Variants in LSAMP observed in about 807,000 individuals in gnomAD.
LSAMP encodes the protein limbic system-associated membrane protein.
A neutral mutation model predicts 38.6 loss-of-function variants in LSAMP; 7 were observed. The observed-to-expected ratio is 0.18, with a 90% CI of 0.10 to 0.34. The LOEUF is 0.34. LSAMP is among the 10% of genes least tolerant of loss of function. The pLI is 1.00. For missense variants in LSAMP, 313 were observed against 420.0 expected, an observed-to-expected ratio of 0.75 and a Z score of 2.23; for synonymous variants, 154 against 166.8, an observed-to-expected ratio of 0.92 and a Z score of 0.59.
intron 3 of LSAMP, among the ~76,000 whole-genome samples, chr3:115,967,702 G>A (rs1482123713): frequency 6.6e-6 from 1 of 152,174 alleles, no homozygotes; most frequent in African/African-American, 2.4e-5. Context: ...GGAGGAGCAA[G>A]TCACATTTTA....
At chr3:115,896,638 C>T (rs1936735664) in intron 3 of LSAMP, among the ~76,000 whole-genome samples, 1 of 151,970 alleles carries the variant, frequency 6.6e-6, no homozygotes, top group Admixed American at 6.6e-5. Flanking sequence ...CTGTGCCTTG[C>T]TTTTCTCATT....
At chr3:116,126,482 T>C (rs1247020643) in intron 1 of LSAMP, among the ~76,000 whole-genome samples, 1 of 152,248 alleles carries the variant, frequency 6.6e-6, no homozygotes, top group Non-Finnish European at 1.5e-5. Context: ...TTTTTGTTTT[T>C]TGAGCACCTA....
At chr3:116,190,282 GA>G (rs1710725569) in intron 1 of LSAMP, among the ~76,000 whole-genome samples, 1 of 152,094 alleles carries the variant, frequency 6.6e-6, no homozygotes, top group Non-Finnish European at 1.5e-5. Context: ...TGCAGTGAGT[GA>G]TAGATTTACC....
chr3:116,076,112 T>C (rs1157881714), intron 2 of LSAMP, among the ~76,000 whole-genome samples: 2 of 152,210 alleles, frequency 1.3e-5, no homozygotes, highest in East Asian at 1.9e-4. Context: ...TTCTCCGTTA[T>C]GTTAAACCTG....
intron 1 of LSAMP, among the ~76,000 whole-genome samples, chr3:116,327,505 A>G (rs1026483444): frequency 2.0e-5 from 3 of 152,130 alleles, no homozygotes; most frequent in Non-Finnish European, 4.4e-5. Context: ...TTAAGATTAT[A>G]TGGCCATTTC....
At chr3:115,950,877 T>C (rs528587289) in intron 3 of LSAMP, among the ~76,000 whole-genome samples, 1 of 149,184 alleles carries the variant, frequency 6.7e-6, no homozygotes, top group South Asian at 2.1e-4. Flanking sequence ...AGGCTATAGT[T>C]ACCAAAACAG....
intron 3 of LSAMP, among the ~76,000 whole-genome samples, chr3:115,945,196 T>C (rs1018589900): frequency 2.6e-5 from 4 of 152,140 alleles, no homozygotes; most frequent in African/African-American, 9.7e-5. Context: ...TTGTTTACTT[T>C]GCTATTTAAC....
intron 3 of LSAMP, among the ~76,000 whole-genome samples, chr3:115,989,551 T>C (rs930335496): frequency 6.6e-6 from 1 of 152,022 alleles, no homozygotes; most frequent in African/African-American, 2.4e-5. Flanking sequence ...TATCAGGAAA[T>C]GGAATTTGTA....
At chr3:116,259,348 T>G (rs1348698860) in intron 1 of LSAMP, among the ~76,000 whole-genome samples, 1 of 152,154 alleles carries the variant, frequency 6.6e-6, no homozygotes, top group Non-Finnish European at 1.5e-5. Context: ...GTTTGTTTGT[T>G]CTAACATTGC....
intron 3 of LSAMP, among the ~76,000 whole-genome samples, chr3:115,883,889 G>T (rs1936385051): frequency 6.6e-6 from 1 of 151,718 alleles, no homozygotes; most frequent in Admixed American, 6.6e-5. Context: ...AGAGTGAATG[G>T]AATAGAAAAA....
At chr3:115,969,124 A>T (rs2107607816) in intron 3 of LSAMP, among the ~76,000 whole-genome samples, 1 of 152,286 alleles carries the variant, frequency 6.6e-6, no homozygotes, top group Non-Finnish European at 1.5e-5. Context: ...TTTCAGTGAT[A>T]TGAGGATAAA....
intron 1 of LSAMP, among the ~76,000 whole-genome samples, chr3:116,400,051 G>A (rs978553865): frequency 4.6e-5 from 7 of 152,088 alleles, no homozygotes; most frequent in African/African-American, 9.7e-5. Flanking sequence ...GAACTACTCA[G>A]GAAATCTGAG....
chr3:116,413,463 TG>T (rs2049006721), intron 1 of LSAMP, among the ~76,000 whole-genome samples: 1 of 152,058 alleles, frequency 6.6e-6, no homozygotes, highest in Non-Finnish European at 1.5e-5. Context: ...TTATACAAGA[TG>T]CTCAAAGGCT....
rs760542642 is a variant in LSAMP, at chr3:115,974,132, G to T, written c.514+45383C>A. On this transcript the variant is annotated intron_variant, in intron 3 of 6. Transcript: ENST00000490035. ...GGCTGAGGCTGGCAGATTACTTAAG[G>T]TCAAGAGCTCCAGACCAGCCTGGCC... Among the ~76,000 whole-genome samples, 10 of 152,016 alleles carry T rather than the reference G, an allele frequency of 6.6e-5. 1 individual carries two copies. Among genetic ancestry groups the T allele is most frequent in the Non-Finnish European group, 1.5e-4 (10 of 68,006 alleles).
chr3:116,422,574 C>T (rs2049142144), intron 1 of LSAMP, among the ~76,000 whole-genome samples: 1 of 152,046 alleles, frequency 6.6e-6, no homozygotes, highest in Admixed American at 6.5e-5. Flanking sequence ...TTGGAGGTTG[C>T]CCAGAGTCTG....
intron 3 of LSAMP, among the ~76,000 whole-genome samples, chr3:115,925,914 C>T (rs1937487945): frequency 6.6e-6 from 1 of 151,970 alleles, no homozygotes; most frequent in African/African-American, 2.4e-5. Context: ...AGCATTTAAC[C>T]TTGCTATTTG....
intron 2 of LSAMP, among the ~76,000 whole-genome samples, chr3:116,082,311 A>T (rs1707887970): frequency 6.6e-6 from 1 of 152,208 alleles, no homozygotes; most frequent in Admixed American, 6.5e-5. Context: ...AAGAAAACGA[A>T]CAAGCAGGGA....
intron 6 of LSAMP, among the ~76,000 whole-genome samples, chr3:115,813,012 GTA>G (rs1004578143): frequency 1.1e-4 from 17 of 151,966 alleles, no homozygotes; most frequent in African/African-American, 3.6e-4. Flanking sequence ...TACATACAAA[GTA>G]TATGTTATAT....
chr3:116,370,913 C>T (rs2048421979), intron 1 of LSAMP, among the ~76,000 whole-genome samples: 1 of 152,088 alleles, frequency 6.6e-6, no homozygotes, highest in Admixed American at 6.6e-5. Context: ...ACTGATTCAA[C>T]ATAAATAAAA....
Sources: gnomAD v4.1 joint callset for allele counts (sites outside exome capture counted in the v4.1 genomes callset) on GRCh38, gnomAD v4.1.1 for gene constraint, MANE v1.5 for transcripts, NCBI Gene and HGNC (gene_info 2026-07-23, HGNC 2026-07-21) for gene names.